IL1RAPL1: variants seen among roughly 807,000 people sequenced by gnomAD.
The protein encoded by IL1RAPL1 is interleukin-1 receptor accessory protein-like 1.
IL1RAPL1 carries 3 observed loss-of-function variants against 48.4 expected under a neutral mutation model. That is an observed-to-expected ratio of 0.06 (90% CI 0.03 to 0.16). The LOEUF (loss-of-function observed/expected upper bound fraction) is 0.16, where lower values mean the gene tolerates loss of function less well. Ranked by LOEUF, IL1RAPL1 falls within the 10% of genes least tolerant of loss-of-function variation. IL1RAPL1 has a pLI of 1.00. For synonymous variants in IL1RAPL1, 185 were observed against 187.7 expected (o/e 0.99, Z 0.12); for missense variants, 349 against 530.6 (o/e 0.66, Z 3.36).
At chrX:29,868,905 G>A (rs1382611366) in intron 6 of IL1RAPL1, among the ~76,000 whole-genome samples, 1 of 111,752 alleles carries the variant, frequency 8.9e-6, no homozygotes, top group East Asian at 2.8e-4. Flanking sequence ...CCACATCTGA[G>A]AGTGTACAAT....
chrX:28,674,452 TC>T (rs1198836568), intron 1 of IL1RAPL1, among the ~76,000 whole-genome samples: 1 of 111,798 alleles, frequency 8.9e-6, no homozygotes, highest in Non-Finnish European at 1.9e-5. Context: ...GTTCCTTTTT[TC>T]ATTCTTCATT....
intron 6 of IL1RAPL1, among the ~76,000 whole-genome samples, chrX:29,901,333 T>G (rs980830073): frequency 5.4e-5 from 6 of 111,914 alleles, no homozygotes; most frequent in Admixed American, 4.7e-4. Context: ...TAATAGACAC[T>G]GGGACACATT....
chrX:29,303,730 G>A (rs987688063), intron 3 of IL1RAPL1, among the ~76,000 whole-genome samples: 2 of 111,764 alleles, frequency 1.8e-5, no homozygotes, highest in Non-Finnish European at 3.8e-5. Flanking sequence ...CTACCAAGTC[G>A]ATTATTATTA....
At chrX:29,749,408 A>G (rs760661016) in intron 6 of IL1RAPL1, among the ~76,000 whole-genome samples, 1 of 112,482 alleles carries the variant, frequency 8.9e-6, no homozygotes, top group African/African-American at 3.2e-5. Context: ...TTGAATAATG[A>G]TTGGTCTAAA....
chrX:29,335,731 T>A (rs893438933), intron 3 of IL1RAPL1, among the ~76,000 whole-genome samples: 1 of 111,714 alleles, frequency 9.0e-6, no homozygotes, highest in Admixed American at 9.5e-5. Flanking sequence ...AGACTTGACC[T>A]GAGGCCTTTG....
At chrX:28,807,129 C>G (rs768779409) in intron 2 of IL1RAPL1, among the ~76,000 whole-genome samples, 1 of 111,096 alleles carries the variant, frequency 9.0e-6, no homozygotes, top group East Asian at 2.8e-4. Flanking sequence ...TCCACACTTC[C>G]TTTCAGTACC....
intron 6 of IL1RAPL1, among the ~76,000 whole-genome samples, chrX:29,702,052 C>T (rs189592243): frequency 0.081 from 8,940 of 110,656 alleles, 301 homozygotes; most frequent in Middle Eastern, 0.25. Flanking sequence ...GTCAGGAGTT[C>T]GAGACCAGCC....
chrX:29,465,298 T>C (rs1487690315), intron 5 of IL1RAPL1, among the ~76,000 whole-genome samples: 4 of 110,411 alleles, frequency 3.6e-5, no homozygotes, highest in African/African-American at 1.3e-4. Flanking sequence ...CCTAAGTACT[T>C]TGGAGGCTGA....
chrX:28,667,903 A>G (rs1934899513), intron 1 of IL1RAPL1, among the ~76,000 whole-genome samples: 1 of 110,524 alleles, frequency 9.0e-6, no homozygotes, highest in African/African-American at 3.3e-5. Context: ...TGTCCTAATT[A>G]CCTCCCAAAG....
intron 2 of IL1RAPL1, among the ~76,000 whole-genome samples, chrX:29,239,293 C>T (rs1931363559): frequency 8.9e-6 from 1 of 112,308 alleles, no homozygotes; most frequent in South Asian, 3.6e-4. Flanking sequence ...GCTTTAAGTA[C>T]TGCTTTCTTA....
chrX:28,917,824 A>G (rs932432314), intron 2 of IL1RAPL1, among the ~76,000 whole-genome samples: 3 of 112,680 alleles, frequency 2.7e-5, no homozygotes, highest in Non-Finnish European at 5.6e-5. Context: ...GGCATTAGGT[A>G]CATTCACATT....
intron 5 of IL1RAPL1, among the ~76,000 whole-genome samples, chrX:29,480,291 C>CATATATATATATATATATATATATAT (rs61703733): frequency 2.1e-4 from 16 of 76,568 alleles, no homozygotes; most frequent in African/African-American, 8.5e-4. Context: ...CACACATATA[C>CATATATATATATATATATATATATAT]ATATATATAT....
At chrX:29,050,022 C>T (rs911797475) in intron 2 of IL1RAPL1, among the ~76,000 whole-genome samples, 1 of 112,001 alleles carries the variant, frequency 8.9e-6, no homozygotes, top group African/African-American at 3.2e-5. Context: ...TGTCATATCT[C>T]CTTCACCTCT....
At chrX:28,842,457 C>T (rs1921398533) in intron 2 of IL1RAPL1, among the ~76,000 whole-genome samples, 1 of 110,741 alleles carries the variant, frequency 9.0e-6, no homozygotes, top group African/African-American at 3.3e-5. Context: ...TTGACCTCGG[C>T]CAAATTCCTT....
At chrX:29,173,504 T>C (rs988884311) in intron 2 of IL1RAPL1, among the ~76,000 whole-genome samples, 1 of 111,964 alleles carries the variant, frequency 8.9e-6, no homozygotes, top group Non-Finnish European at 1.9e-5. Flanking sequence ...CTACTCTAAG[T>C]AAAGTCTCAT....
intron 2 of IL1RAPL1, among the ~76,000 whole-genome samples, chrX:29,069,706 T>C (rs1214086419): frequency 9.1e-6 from 1 of 109,580 alleles, no homozygotes; most frequent in African/African-American, 3.3e-5. Flanking sequence ...TTCAGAGAAA[T>C]CTATGCATGA....
At chrX:28,813,616 A>G (rs1936820142) in intron 2 of IL1RAPL1, among the ~76,000 whole-genome samples, 1 of 110,956 alleles carries the variant, frequency 9.0e-6, no homozygotes. Context: ...TCTACTCATT[A>G]CTGATGTAGG....
chrX:28,912,970 G>A (rs1249811933), intron 2 of IL1RAPL1, among the ~76,000 whole-genome samples: 3 of 111,137 alleles, frequency 2.7e-5, no homozygotes, highest in Non-Finnish European at 5.7e-5. Context: ...AATAAAATTC[G>A]TTTTAATTTA....
intron 1 of IL1RAPL1, among the ~76,000 whole-genome samples, chrX:28,787,937 T>A (rs891453773): frequency 1.4e-4 from 16 of 111,409 alleles, no homozygotes; most frequent in African/African-American, 5.2e-4. Flanking sequence ...ACTATCTCAG[T>A]CTTATACAAA....
Sources: allele counts gnomAD v4.1 joint callset (sites outside exome capture counted in the v4.1 genomes callset), GRCh38; gene constraint gnomAD v4.1.1; transcripts MANE v1.5; gene names NCBI Gene and HGNC (gene_info 2026-07-23, HGNC 2026-07-21).